MKLN1: variants seen among roughly 807,000 people sequenced by gnomAD.
The protein encoded by MKLN1 is muskelin.
In MKLN1, 18 loss-of-function variants were observed where a neutral mutation model predicts 99.0. That is an observed-to-expected ratio of 0.18 (90% CI 0.13 to 0.27). The LOEUF (loss-of-function observed/expected upper bound fraction) is 0.27. MKLN1 is among the 10% of genes least tolerant of loss of function. MKLN1 has a pLI of 1.00. For synonymous variants in MKLN1, 288 were observed against 293.2 expected (o/e 0.98, Z 0.18); for missense variants, 621 against 875.9 (o/e 0.71, Z 3.67).
intron 1 of MKLN1, among the ~76,000 whole-genome samples, chr7:131,361,085 G>C (rs1379264374): frequency 1.3e-5 from 2 of 151,766 alleles, no homozygotes; most frequent in African/African-American, 4.8e-5. Context: ...TCTGCAGTTT[G>C]AATATGATAC....
intron 9 of MKLN1, among the ~76,000 whole-genome samples, chr7:131,433,650 T>TACA (rs1215233186): frequency 1.3e-5 from 2 of 152,204 alleles, no homozygotes; most frequent in Non-Finnish European, 2.9e-5. Context: ...AATCAATTGA[T>TACA]CATGTAAGTA....
chr7:131,163,712 T>C (rs1220238658), intron 2 of MKLN1, among the ~76,000 whole-genome samples: 1 of 152,202 alleles, frequency 6.6e-6, no homozygotes, highest in African/African-American at 2.4e-5. Context: ...CTCTAAAATA[T>C]ATATTTTAAC....
chr7:131,298,280 A>T (rs1798324965), intron 3 of MKLN1, among the ~76,000 whole-genome samples: 1 of 152,078 alleles, frequency 6.6e-6, no homozygotes, highest in South Asian at 2.1e-4. Context: ...CAGAAAAAAA[A>T]AAAAGATATG....
chr7:131,298,590 C>T (rs907683827), intron 3 of MKLN1, among the ~76,000 whole-genome samples: 4 of 152,146 alleles, frequency 2.6e-5, no homozygotes, highest in African/African-American at 9.7e-5. Context: ...CAAGGCCTTC[C>T]CTCTTTTCTC....
intron 17 of MKLN1, among the ~76,000 whole-genome samples, chr7:131,486,459 C>G (rs1054417926): frequency 7.9e-5 from 12 of 152,050 alleles, no homozygotes; most frequent in African/African-American, 2.9e-4. Context: ...ATGTGCTGTT[C>G]TTGAGGTATT....
chr7:131,444,836 A>C (rs1044100915), intron 11 of MKLN1, among the ~76,000 whole-genome samples: 5 of 150,342 alleles, frequency 3.3e-5, no homozygotes, highest in Non-Finnish European at 7.4e-5. Flanking sequence ...TGGAAGTGGA[A>C]GTGGAAGTAG....
chr7:131,147,066 T>G (rs1050561415), intron 2 of MKLN1, among the ~76,000 whole-genome samples: 4 of 152,108 alleles, frequency 2.6e-5, no homozygotes, highest in African/African-American at 9.7e-5. Context: ...TTATTATTAT[T>G]AATTTTTTTT....
At chr7:131,185,533 G>A (rs915459649) in intron 2 of MKLN1, among the ~76,000 whole-genome samples, 7 of 151,840 alleles carry the variant, frequency 4.6e-5, no homozygotes, top group East Asian at 3.9e-4. Context: ...AGCCGAGATC[G>A]CACCACTGCA....
chr7:131,220,102 A>T (rs1455016565), intron 3 of MKLN1, among the ~76,000 whole-genome samples: 2 of 152,204 alleles, frequency 1.3e-5, no homozygotes, highest in Non-Finnish European at 2.9e-5. Flanking sequence ...TACCAAGGAG[A>T]ACAATTGTTT....
chr7:131,466,217 C>G lies in MKLN1; in HGVS notation c.1789-59C>G, dbSNP rs374694540. 52 of 1,335,792 alleles carry G rather than the reference C, an allele frequency of 3.9e-5. No homozygotes were observed. In the Admixed American group the frequency reaches 4.6e-4, roughly 12 times the overall value. 82.7% of individuals were successfully genotyped at this position (1,335,792 alleles called of 1,614,324 possible). A position where few individuals can be genotyped will look rare whatever the true frequency, so the allele number is the denominator to read the frequency against. ...GAAGTTAACCTGTTATGCACTGCTA[C>G]TAGAATATCTTGGGTATGCATGCAT... On this transcript the variant is annotated intron_variant, in intron 14 of 17. Transcript: ENST00000352689.
rs75064927 is a variant in MKLN1 at position 131,304,001 on chromosome 7, T to C, written c.-178-71423T>C. Among the ~76,000 whole-genome samples, 1,478 of 152,336 alleles carry C rather than the reference T, an allele frequency of 9.7e-3. 12 individuals are homozygous for C. Among genetic ancestry groups the C allele is most frequent in the South Asian group, 0.015 (73 of 4,830 alleles). ...ATTCAGGAGGAACTAGGAGATTCAA[T>C]TTAAAAAATATTTCTTGAGTGCCTA... On this transcript the variant is annotated intron_variant, in intron 3 of 7. Coordinates refer to the MKLN1 transcript ENST00000416992.
intron 17 of MKLN1, among the ~76,000 whole-genome samples, chr7:131,483,021 A>G (rs1797168629): frequency 6.6e-6 from 1 of 152,186 alleles, no homozygotes; most frequent in Admixed American, 6.5e-5. Flanking sequence ...GCCTTTTCTA[A>G]ACCACTAAAT....
chr7:131,230,580 G>C (rs565499418), intron 3 of MKLN1, among the ~76,000 whole-genome samples: 1 of 152,280 alleles, frequency 6.6e-6, no homozygotes, highest in East Asian at 1.9e-4. Flanking sequence ...CAGTTTATCT[G>C]TTGTTCTTTA....
chr7:131,404,199 G>T (rs1417410739), intron 6 of MKLN1, among the ~76,000 whole-genome samples: 2 of 152,176 alleles, frequency 1.3e-5, no homozygotes, highest in East Asian at 3.9e-4. Context: ...GTTATCTTTT[G>T]GTATGTTTGG....
At chr7:131,217,417 C>G (rs1483238252) in intron 3 of MKLN1, among the ~76,000 whole-genome samples, 1 of 152,154 alleles carries the variant, frequency 6.6e-6, no homozygotes, top group Admixed American at 6.5e-5. Context: ...GATGGGATAG[C>G]TTGGGCACAG....
At chr7:131,169,476 A>G (rs1796186038) in intron 2 of MKLN1, among the ~76,000 whole-genome samples, 1 of 152,208 alleles carries the variant, frequency 6.6e-6, no homozygotes, top group Non-Finnish European at 1.5e-5. Flanking sequence ...TACTTTGATT[A>G]TCTGCAGTAT....
chr7:131,321,926 A>G (rs1178191968), intron 3 of MKLN1, among the ~76,000 whole-genome samples: 1 of 152,246 alleles, frequency 6.6e-6, no homozygotes, highest in African/African-American at 2.4e-5. Context: ...TGAAGGCCCA[A>G]ATGGTCTGTA....
chr7:131,344,148 T>A (rs534119987), intron 1 of MKLN1, among the ~76,000 whole-genome samples: 3 of 152,096 alleles, frequency 2.0e-5, no homozygotes, highest in African/African-American at 7.2e-5. Flanking sequence ...ATTAAGTGAT[T>A]ATCTCTGGGT....
At chr7:131,418,317 C>T (rs1415246982) in intron 8 of MKLN1, among the ~76,000 whole-genome samples, 3 of 139,632 alleles carry the variant, frequency 2.1e-5, no homozygotes, top group Non-Finnish European at 4.5e-5. Flanking sequence ...TGCAGTGAGG[C>T]GAGATTGCGC....
Sources: gnomAD v4.1 joint callset for allele counts (sites outside exome capture counted in the v4.1 genomes callset) on GRCh38, gnomAD v4.1.1 for gene constraint, MANE v1.5 for transcripts, NCBI Gene and HGNC (gene_info 2026-07-23, HGNC 2026-07-21) for gene names.